Variants in NF1 observed in about 807,000 individuals in gnomAD.
The protein encoded by NF1 is neurofibromin.
A neutral mutation model predicts 325.7 loss-of-function variants in NF1; 122 were observed. That is an observed-to-expected ratio of 0.37 (90% CI 0.32 to 0.44). The LOEUF (loss-of-function observed/expected upper bound fraction) is 0.44, where lower values mean the gene tolerates loss of function less well. Among genes scored for constraint, NF1 ranks in the 20% least tolerant of loss-of-function variants. NF1 has a pLI of 1.00. For synonymous variants in NF1, 1,091 were observed against 1,186.0 expected (o/e 0.92, Z 1.65); for missense variants, 2,140 against 3,415.4 (o/e 0.63, Z 9.31).
chr17:31,312,999 ATAT>A (rs1164207111), intron 36 of NF1, among the ~76,000 whole-genome samples: 1 of 152,184 alleles, frequency 6.6e-6, no homozygotes, highest in Admixed American at 6.5e-5. Context: ...CACGTAGATG[ATAT>A]TAATATACGC....
intron 36 of NF1, among the ~76,000 whole-genome samples, chr17:31,280,883 A>G (rs969255198): frequency 6.7e-6 from 1 of 149,610 alleles, no homozygotes; most frequent in Admixed American, 6.6e-5. Flanking sequence ...TTATTTATTC[A>G]GTATTTTTAT....
At chr17:31,127,093 T>C (rs1230609011) in intron 1 of NF1, among the ~76,000 whole-genome samples, 2 of 149,822 alleles carry the variant, frequency 1.3e-5, no homozygotes, top group African/African-American at 2.5e-5. Context: ...GGGTGAATAT[T>C]AAGTGTCAGT....
intron 29 of NF1, among the ~76,000 whole-genome samples, chr17:31,239,736 G>C (rs981687362): frequency 4.6e-5 from 7 of 151,854 alleles, no homozygotes; most frequent in Admixed American, 2.6e-4. Flanking sequence ...GGGTAAATGG[G>C]GTGTCCATCA....
intron 27 of NF1, among the ~76,000 whole-genome samples, chr17:31,233,503 T>C (rs1382233826): frequency 6.6e-6 from 1 of 152,210 alleles, no homozygotes; most frequent in Admixed American, 6.5e-5. Flanking sequence ...TTAAACCTAA[T>C]TTTAGTTAGT....
chr17:31,106,108 T>C (rs1437391662), intron 1 of NF1, among the ~76,000 whole-genome samples: 1 of 152,198 alleles, frequency 6.6e-6, no homozygotes, highest in Non-Finnish European at 1.5e-5. Context: ...AAAACAACTT[T>C]TACCACTTTA....
At chr17:31,250,614 C>T (rs191628596) in intron 30 of NF1, 71 of 194,720 alleles carry the variant, frequency 3.6e-4, no homozygotes, top group South Asian at 1.4e-3. Flanking sequence ...AGTTGGAGAC[C>T]GTTTTGAGAC....
intron 36 of NF1, among the ~76,000 whole-genome samples, chr17:31,310,358 A>G (rs1173609227): frequency 2.0e-5 from 3 of 151,332 alleles, no homozygotes; most frequent in Admixed American, 6.6e-5. Flanking sequence ...TAAACAGGTG[A>G]AAAAAAAAGC....
chr17:31,211,767 A>C (rs908956998), intron 12 of NF1, among the ~76,000 whole-genome samples: 3 of 152,206 alleles, frequency 2.0e-5, no homozygotes, highest in African/African-American at 7.2e-5. Flanking sequence ...TAGGACACTT[A>C]ACACAAATGG....
At chr17:31,361,860 G>T (rs2070408728) in intron 57 of NF1, among the ~76,000 whole-genome samples, 1 of 152,118 alleles carries the variant, frequency 6.6e-6, no homozygotes, top group African/African-American at 2.4e-5. Flanking sequence ...ATTAAATTCT[G>T]CTTAACAACA....
intron 36 of NF1, among the ~76,000 whole-genome samples, chr17:31,311,248 C>T (rs1018269337): frequency 2.2e-4 from 34 of 151,946 alleles, no homozygotes; most frequent in African/African-American, 7.0e-4. Context: ...CCACCGAGCC[C>T]GGCCATAGAC....
chr17:31,295,133 A>G (rs752315419), intron 36 of NF1: 2 of 1,614,128 alleles, frequency 1.2e-6, no homozygotes, highest in South Asian at 2.2e-5. Flanking sequence ...CCATAAGTTA[A>G]GGGTTGTGCT....
chr17:31,317,173 A>G (rs1357192732), intron 36 of NF1, among the ~76,000 whole-genome samples: 5 of 152,212 alleles, frequency 3.3e-5, no homozygotes, highest in East Asian at 1.9e-4. Context: ...AAGGGATGAG[A>G]TTTTTGAAAT....
chr17:31,198,460 A>G (rs529246004), intron 8 of NF1, among the ~76,000 whole-genome samples: 142 of 152,190 alleles, frequency 9.3e-4, no homozygotes, highest in Admixed American at 2.0e-3. Flanking sequence ...TAGATTTTCT[A>G]TTTCCTCATG....
chr17:31,145,986 T>C (rs1916558041), intron 1 of NF1, among the ~76,000 whole-genome samples: 1 of 152,194 alleles, frequency 6.6e-6, no homozygotes, highest in South Asian at 2.1e-4. Context: ...GAGAGAAGTT[T>C]CCATTACAGA....
intron 1 of NF1, among the ~76,000 whole-genome samples, chr17:31,097,160 G>C (rs1337631901): frequency 6.6e-6 from 1 of 152,054 alleles, no homozygotes; most frequent in East Asian, 1.9e-4. Flanking sequence ...AGATACTTAA[G>C]AGAGGAATGA....
chr17:31,201,355 A>G lies in NF1; in HGVS notation c.1186-56A>G. 3.3e-6 allele frequency: 5 copies of G among 1,510,456 alleles called. No homozygotes were observed. In the East Asian group the frequency reaches 9.1e-5, roughly 27 times the overall value. 93.6% of individuals were successfully genotyped at this position (1,510,456 alleles called of 1,614,324 possible). A position where few individuals can be genotyped will look rare whatever the true frequency, so the allele number is the denominator to read the frequency against. The stretch of plus-strand genomic sequence containing the variant: ...TGCTGTTCTTTTTGGCTTCATTTGT[A>G]TTACTGAGTATTTTTCTCATAGAAA... On this transcript the variant is annotated intron_variant, in intron 10 of 57. Transcript: ENST00000358273.
intron 1 of NF1, among the ~76,000 whole-genome samples, chr17:31,150,281 G>A (rs375096420): frequency 8.5e-5 from 13 of 152,246 alleles, no homozygotes; most frequent in African/African-American, 2.9e-4. Context: ...ATTAGGGATA[G>A]ACAGCCTGTA....
At chr17:31,327,334 A>G (rs1331377256) in intron 37 of NF1, among the ~76,000 whole-genome samples, 165 bp from the exon 38 acceptor site, 1 of 152,200 alleles carries the variant, frequency 6.6e-6, no homozygotes, top group South Asian at 2.1e-4. Flanking sequence ...TCTTTTGAGA[A>G]CATTTATCAT....
At chr17:31,287,937 G>C (rs1354535978) in intron 36 of NF1, among the ~76,000 whole-genome samples, 131 of 124,272 alleles carry the variant, frequency 1.1e-3, no homozygotes, top group Admixed American at 2.3e-3. Context: ...GTTGTGGGGT[G>C]GGGGGAGGGG....
Sources: gnomAD v4.1 joint callset for allele counts (sites outside exome capture counted in the v4.1 genomes callset) on GRCh38, gnomAD v4.1.1 for gene constraint, MANE v1.5 for transcripts, NCBI Gene and HGNC (gene_info 2026-07-23, HGNC 2026-07-21) for gene names.